ANKRD29: variants seen among roughly 807,000 people sequenced by gnomAD.
ANKRD29 encodes the protein ankyrin repeat domain 29, also known as ankyrin repeat domain-containing protein 29.
A neutral mutation model predicts 38.0 loss-of-function variants in ANKRD29; 32 were observed. The ratio of observed to expected loss-of-function variants is 0.84; its 90% CI spans 0.64 to 1.13. The LOEUF (loss-of-function observed/expected upper bound fraction) is 1.13, where lower values mean the gene tolerates loss of function less well. Ranked by LOEUF, ANKRD29 falls within the 50% of genes most tolerant of loss-of-function variation. The pLI, the probability that ANKRD29 is intolerant of heterozygous loss-of-function variation, is 0.00. For missense variants in ANKRD29, 357 were observed against 377.9 expected, an observed-to-expected ratio of 0.94 and a Z score of 0.46; for synonymous variants, 135 against 152.4, an observed-to-expected ratio of 0.89 and a Z score of 0.84.
intron 9 of ANKRD29, among the ~76,000 whole-genome samples, chr18:23,610,695 C>A (rs2059630581): frequency 6.6e-6 from 1 of 152,098 alleles, no homozygotes; most frequent in African/African-American, 2.4e-5. Flanking sequence ...TAGTTTAGTG[C>A]ATTTTCTCTC....
At chr18:23,611,449 C>T (rs923663099) in intron 9 of ANKRD29, among the ~76,000 whole-genome samples, 2 of 151,960 alleles carry the variant, frequency 1.3e-5, no homozygotes, top group Admixed American at 6.6e-5. Flanking sequence ...TTTGGGAGGC[C>T]GAGGTGGGTG....
Position 23,601,068 on chromosome 18 carries a change from G to A in ANKRD29, c.*158C>T, listed in dbSNP as rs527873874. The A allele has an allele frequency of 1.7e-4, 110 of 631,966 alleles. No individual in the cohort carries two copies. Among genetic ancestry groups the A allele is most frequent in the East Asian group, 8.7e-5 (3 of 34,664 alleles). 39.1% of individuals were successfully genotyped at this position (631,966 alleles called of 1,614,324 possible). A position where few individuals can be genotyped will look rare whatever the true frequency, so the allele number is the denominator to read the frequency against. ...CCTGAGCTGTTTGGTTCTTGACTTC[G>A]TGCACAGAGCGTAGCTCTTCTTTGT... On this transcript the variant is annotated 3_prime_UTR_variant, in exon 10 of 10. Coordinates refer to ENST00000592179, the MANE Select transcript of ANKRD29 (RefSeq NM_173505.4).
At chr18:23,634,331 C>A (rs1253455260) in intron 4 of ANKRD29, among the ~76,000 whole-genome samples, 182 bp from the exon 5 acceptor site, 1 of 143,702 alleles carries the variant, frequency 7.0e-6, no homozygotes, top group Non-Finnish European at 1.5e-5. Flanking sequence ...GCTCTGTCAC[C>A]CAGGCTGGAG....
intron 7 of ANKRD29, 39 bp from the exon 8 acceptor site, chr18:23,617,866 T>C (rs1298959202): frequency 6.5e-7 from 1 of 1,549,826 alleles, no homozygotes; most frequent in East Asian, 2.2e-5. Flanking sequence ...ATTATTAACA[T>C]ATATCTGTGT....
intron 9 of ANKRD29, among the ~76,000 whole-genome samples, chr18:23,610,341 G>A (rs1465903109): frequency 3.3e-5 from 5 of 152,208 alleles, no homozygotes; most frequent in African/African-American, 1.2e-4. Context: ...AGCTGGGCAT[G>A]ATGGTGCACA....
At chr18:23,643,258 A>G (rs1272046772) in intron 3 of ANKRD29, among the ~76,000 whole-genome samples, 1 of 152,172 alleles carries the variant, frequency 6.6e-6, no homozygotes, top group African/African-American at 2.4e-5. Flanking sequence ...CCTGCAATGC[A>G]GGTGTGATTT....
chr18:23,616,418 G>T (rs867915742), intron 8 of ANKRD29, among the ~76,000 whole-genome samples: 1 of 149,380 alleles, frequency 6.7e-6, no homozygotes, highest in Non-Finnish European at 1.5e-5. Flanking sequence ...AGTCCCAGCC[G>T]AGGCAGGAGG....
Position 23,601,315 on chromosome 18 carries a change from A to C in ANKRD29, c.823-6T>G, listed in dbSNP as rs369973318. ...TCTGCCGGAAGTTCATTGGCCTGAAAGAAGAGAAGATGGGCATTAGTGAAT... is the reference window on the plus strand; with the variant it reads ...TCTGCCGGAAGTTCATTGGCCTGAACGAAGAGAAGATGGGCATTAGTGAAT... On this transcript the variant is annotated splice_polypyrimidine_tract_variant and splice_region_variant and intron_variant, in intron 9 of 9. Coordinates refer to ENST00000592179, the MANE Select transcript of ANKRD29 (RefSeq NM_173505.4). 8.1e-6 allele frequency: 13 copies of C among 1,613,702 alleles called. No homozygotes were observed. In the African/African-American group the frequency reaches 1.3e-4, roughly 17 times the overall value.
Position 23,602,796 on chromosome 18 carries a change from A to T in ANKRD29, c.823-1487T>A, listed in dbSNP as rs1170362288. Reference sequence around the variant, plus strand: ...ATATTTTCAAAAAGAAAAAAAAAAGAAATTAAAACTGAGAAAATTTTAAAA... The same window carrying T: ...ATATTTTCAAAAAGAAAAAAAAAAGTAATTAAAACTGAGAAAATTTTAAAA... On this transcript the variant is annotated intron_variant, in intron 9 of 9. Coordinates refer to ENST00000592179, the MANE Select transcript of ANKRD29 (RefSeq NM_173505.4). Among the ~76,000 whole-genome samples the T allele has an allele frequency of 2.6e-5, 4 of 152,070 alleles. No individual in the cohort carries two copies. The East Asian group carries it at 7.7e-4, about 29-fold the overall frequency.
At position 23,634,278 on chromosome 18, in the gene ANKRD29, G is replaced by GTTT. The variant is rs71163626; in HGVS notation, c.331-132_331-130dup. 581 of 372,828 alleles carry GTTT rather than the reference G, an allele frequency of 1.6e-3. 1 individual carries two copies. Among genetic ancestry groups the GTTT allele is most frequent in the South Asian group, 2.6e-3 (88 of 33,342 alleles). The allele number at this position is 372,828 out of a possible 1,614,324, so 23.1% of individuals were successfully genotyped here. ...AGATAATAACAAACTCACTTTCCCT[G>GTTT]TTTTTTTTTTTTTTTTTTTTTTTTT... is the stretch of plus-strand genomic sequence containing the variant. On this transcript the variant is annotated intron_variant, in intron 4 of 9. Coordinates refer to ENST00000592179, the MANE Select transcript of ANKRD29 (RefSeq NM_173505.4).
At chr18:23,640,895 G>C (rs1264271925) in intron 3 of ANKRD29, among the ~76,000 whole-genome samples, 1 of 152,290 alleles carries the variant, frequency 6.6e-6, no homozygotes, top group East Asian at 1.9e-4. Context: ...GTGAAAAGCT[G>C]AGGACAGCCT....
chr18:23,660,262 C>A (rs2060342092), intron 1 of ANKRD29, among the ~76,000 whole-genome samples: 1 of 152,234 alleles, frequency 6.6e-6, no homozygotes, highest in Non-Finnish European at 1.5e-5. Flanking sequence ...AGTGGTATCT[C>A]ATTACAGTTT....
At chr18:23,619,250 C>T in intron 7 of ANKRD29, 2 of 402,570 alleles carry the variant, frequency 5.0e-6, no homozygotes, top group South Asian at 4.1e-5. Context: ...GGGAGGCCCC[C>T]AGGACAGGCG....
rs770670309 is a variant in ANKRD29 at position 23,638,924 on chromosome 18, AAAG to A, written c.252_254del (p.Phe85del). 6.2e-7 allele frequency: 1 copy of A among 1,612,916 alleles called. No homozygotes were observed. Among genetic ancestry groups the A allele is most frequent in the East Asian group, 2.2e-5 (1 of 44,854 alleles). ...CATCATTATGGCCTTGCTGGGCGGC[AAAG>A]AATAGGGCAGTTGTACCTGACTGGG... On this transcript the variant is annotated inframe_deletion, in exon 4 of 10. Coordinates refer to ENST00000592179, the MANE Select transcript of ANKRD29 (RefSeq NM_173505.4).
At chr18:23,616,238 G>C (rs2059716212) in intron 8 of ANKRD29, among the ~76,000 whole-genome samples, 1 of 148,938 alleles carries the variant, frequency 6.7e-6, no homozygotes, top group African/African-American at 2.5e-5. Flanking sequence ...TGTATTTACA[G>C]TATATAATTT....
intron 4 of ANKRD29, among the ~76,000 whole-genome samples, chr18:23,634,734 A>G (rs2059981286): frequency 6.6e-6 from 1 of 152,248 alleles, no homozygotes. Context: ...GAATTAATTT[A>G]GAAAATTCCT....
At chr18:23,647,007 T>C (rs2060148375) in intron 2 of ANKRD29, 1 of 152,234 alleles carries the variant, frequency 6.6e-6, no homozygotes, top group African/African-American at 2.4e-5. Flanking sequence ...GAAATTGTAA[T>C]CTTAGCTACC....
In ANKRD29 at chr18:23,662,723, C is replaced by T. The variant is rs543972891; in HGVS notation, c.8G>A (p.Arg3Lys). Residue 3 changes from arginine to lysine, a missense_variant, in exon 1 of 10, where the codon AGG (arginine) becomes AAG (lysine). By Grantham distance (26) the Arg-to-Lys change is conservative (BLOSUM62 2). Transcript: ENST00000592179. ...CCGGTCGCTCACCTTGAAGGACATCCTGCACATGTCCGCGGCCGCCCGAGC... is the reference window on the plus strand; with the variant it reads ...CCGGTCGCTCACCTTGAAGGACATCTTGCACATGTCCGCGGCCGCCCGAGC... MCRMSFKKETPLA... is the reference protein window; with the variant it reads MCKMSFKKETPLA... The T allele has an allele frequency of 2.3e-5, 34 of 1,470,854 alleles. No individual in the cohort carries two copies. The African/African-American group carries it at 2.9e-4, about 13-fold the overall frequency. 91.1% of individuals were successfully genotyped at this position (1,470,854 alleles called of 1,614,324 possible).
chr18:23,637,361 T>A (rs1485808142), intron 4 of ANKRD29, among the ~76,000 whole-genome samples: 1 of 152,238 alleles, frequency 6.6e-6, no homozygotes, highest in East Asian at 1.9e-4. Flanking sequence ...CAAAACCTTA[T>A]ATGAAATTCA....
Sources: allele counts gnomAD v4.1 joint callset (sites outside exome capture counted in the v4.1 genomes callset), GRCh38; gene constraint gnomAD v4.1.1; transcripts MANE v1.5; gene names NCBI Gene and HGNC (gene_info 2026-07-23, HGNC 2026-07-21).